The following HGSNAT variants were observed in gnomAD, a reference collection of about 807,000 sequenced individuals.
The protein encoded by HGSNAT is heparan-alpha-glucosaminide N-acetyltransferase.
In HGSNAT, 59 loss-of-function variants were observed where a neutral mutation model predicts 85.2. That is an observed-to-expected ratio of 0.69 (90% CI 0.56 to 0.86). HGSNAT has a LOEUF of 0.86. HGSNAT is among the 40% of genes least tolerant of loss of function. HGSNAT has a pLI of 0.00. For missense variants in HGSNAT, 756 were observed against 777.1 expected, an observed-to-expected ratio of 0.97 and a Z score of 0.32; for synonymous variants, 321 against 304.5, an observed-to-expected ratio of 1.05 and a Z score of -0.56.
rs1804837588 is a variant in HGSNAT at position 43,199,250 on chromosome 8, T to C, written c.1727-138T>C. ...ATATTTAAATACCTAAGATATGCAT[T>C]ACTTATTTTTGGCAGTAGCCAACAA... On this transcript the variant is annotated intron_variant, in intron 17 of 17. Coordinates refer to ENST00000379644, the MANE Select transcript of HGSNAT (RefSeq NM_152419.3). 1.8e-5 allele frequency: 11 copies of C among 606,640 alleles called. No homozygotes were observed. The South Asian group carries it at 2.5e-4, about 14-fold the overall frequency. 37.6% of individuals were successfully genotyped at this position (606,640 alleles called of 1,614,324 possible).
chr8:43,158,621 G>C lies in HGSNAT; in HGVS notation c.281G>C (p.Gly94Ala). ...AACGTTCCTCAGAGTCCAAAAGCAG[G>C]GAAGCCTAGTGCTGCAGCTGCCTCT... ...LVNVPQSPKA[G>A]KPSAAAASVS... is the part of the protein sequence containing the mutation. The change falls in exon 3 of 18, where the codon GGG becomes GCG. Residue 94 changes from glycine (G) to alanine (A), a missense_variant. Coordinates refer to ENST00000379644, the MANE Select transcript of HGSNAT (RefSeq NM_152419.3). 1 of 1,613,930 alleles carries C rather than the reference G, an allele frequency of 6.2e-7. No individual in the cohort carries two copies. Among genetic ancestry groups the C allele is most frequent in the Non-Finnish European group, 8.5e-7 (1 of 1,179,870 alleles).
Position 43,161,524 on chromosome 8 carries a change from G to A in HGSNAT, c.563+17G>A, listed in dbSNP as rs1383774375. 1 of 1,581,214 alleles carries A rather than the reference G, an allele frequency of 6.3e-7. No individual in the cohort carries two copies. The highest frequency in any genetic ancestry group is 8.6e-7 in the Non-Finnish European group (1 of 1,161,184). On this transcript the variant is annotated intron_variant, in intron 5 of 17. Transcript: ENST00000379644. ...CTTGTTGAGGTAAGATATTTGGGGAGGACGCCACTGGAAAGGCAGAGTATA... is the reference window on the plus strand; with the variant it reads ...CTTGTTGAGGTAAGATATTTGGGGAAGACGCCACTGGAAAGGCAGAGTATA...
At chr8:43,181,784 C>T (rs529834768) in intron 10 of HGSNAT, 10 of 232,122 alleles carry the variant, frequency 4.3e-5, no homozygotes, top group South Asian at 3.2e-4. Flanking sequence ...AGCAGACGTG[C>T]GGGTTGATTG....
intron 11 of HGSNAT, among the ~76,000 whole-genome samples, chr8:43,183,210 A>G (rs1197365852): frequency 6.6e-6 from 1 of 152,228 alleles, no homozygotes; most frequent in African/African-American, 2.4e-5. Flanking sequence ...TCTGTTACCC[A>G]GGCTGGAGTG....
At chr8:43,142,437 C>A (rs1429188944) in intron 1 of HGSNAT, among the ~76,000 whole-genome samples, 1 of 151,886 alleles carries the variant, frequency 6.6e-6, no homozygotes, top group Admixed American at 6.6e-5. Flanking sequence ...GTAATTGGGT[C>A]CTTTGGTCGT....
chr8:43,165,308 G>C (rs932792165), intron 5 of HGSNAT, among the ~76,000 whole-genome samples: 1 of 152,022 alleles, frequency 6.6e-6, no homozygotes, highest in African/African-American at 2.4e-5. Context: ...ATAAGATGGT[G>C]AACTTAATCA....
chr8:43,143,480 C>T (rs1168018564), intron 1 of HGSNAT, among the ~76,000 whole-genome samples: 1 of 152,008 alleles, frequency 6.6e-6, no homozygotes, highest in Non-Finnish European at 1.5e-5. Flanking sequence ...AGCTGCTTGA[C>T]CTCTTCAGGC....
intron 17 of HGSNAT, among the ~76,000 whole-genome samples, chr8:43,198,280 C>CTTTTTTTTTTT (rs59416007): frequency 1.1e-5 from 1 of 90,332 alleles, no homozygotes; most frequent in African/African-American, 4.5e-5. Context: ...GTTTCTGGTT[C>CTTTTTTTTTTT]TTTTTTTTTT....
chr8:43,199,423 G>A lies in HGSNAT; in HGVS notation c.1762G>A (p.Val588Met), dbSNP rs762123513. Residue 588 changes from valine to methionine, a missense_variant, in exon 18 of 18, where the codon GTG (valine) becomes ATG (methionine). Coordinates refer to ENST00000379644, the MANE Select transcript of HGSNAT (RefSeq NM_152419.3). The part of the protein sequence containing the change: ...NSILVYVGHE[V>M]FENYFPFQWK... ...CATTCTGGTATATGTCGGCCACGAGGTGTTTGAGAACTACTTCCCCTTTCA... is the reference window on the plus strand; with the variant it reads ...CATTCTGGTATATGTCGGCCACGAGATGTTTGAGAACTACTTCCCCTTTCA... 1 of 1,608,432 alleles carries A rather than the reference G, an allele frequency of 6.2e-7. No homozygotes were observed. Among genetic ancestry groups the A allele is most frequent in the Admixed American group, 1.7e-5 (1 of 59,242 alleles).
chr8:43,165,101 C>T (rs1248097709), intron 5 of HGSNAT, among the ~76,000 whole-genome samples: 1 of 143,078 alleles, frequency 7.0e-6, no homozygotes, highest in Non-Finnish European at 1.5e-5. Flanking sequence ...CTGTGTTGCC[C>T]AGGCTTGCAT....
intron 10 of HGSNAT, 55 bp from the exon 11 acceptor site, chr8:43,182,090 T>C: frequency 1.3e-5 from 17 of 1,306,962 alleles, no homozygotes; most frequent in Non-Finnish European, 1.8e-5. Flanking sequence ...AATGTTGTCC[T>C]GGGATGAGAG....
At chr8:43,146,779 A>G (rs1461801602) in intron 1 of HGSNAT, among the ~76,000 whole-genome samples, 169 bp from the exon 2 acceptor site, 1 of 151,516 alleles carries the variant, frequency 6.6e-6, no homozygotes, top group African/African-American at 2.5e-5. Flanking sequence ...ATGCACGCAC[A>G]TATATCTGCG....
At chr8:43,140,667 T>C in intron 1 of HGSNAT, 53 bp downstream of exon 1, 2 of 934,972 alleles carry the variant, frequency 2.1e-6, no homozygotes, top group Admixed American at 4.5e-5. Flanking sequence ...CAGCGTCTCC[T>C]CTCCGCGGCG....
At chr8:43,164,776 C>T (rs2130731039) in intron 5 of HGSNAT, among the ~76,000 whole-genome samples, 2 of 152,122 alleles carry the variant, frequency 1.3e-5, no homozygotes, top group South Asian at 4.2e-4. Flanking sequence ...AGTGAGACTC[C>T]ATCTCAAAAA....
At position 43,199,497 on chromosome 8, in the gene HGSNAT, C is replaced by T. The variant is rs367648422; in HGVS notation, c.1836C>T (p.Asn612=). The change falls in exon 18 of 18, where the codon AAC becomes AAT. Residue 612 remains asparagine (N), a synonymous_variant. Transcript: ENST00000379644. ...NQSHKEHLTQ[N]IVATALWVLI... ...CCCACAAGGAGCACCTGACTCAGAA[C>T]ATCGTCGCCACTGCCCTCTGGGTGC... The T allele has an allele frequency of 1.9e-5, 31 of 1,611,880 alleles. No homozygotes were observed. The highest frequency in any genetic ancestry group is 2.6e-5 in the Non-Finnish European group (31 of 1,179,016).
intron 2 of HGSNAT, among the ~76,000 whole-genome samples, chr8:43,148,473 G>A (rs1384076590): frequency 6.6e-6 from 1 of 151,854 alleles, no homozygotes; most frequent in Non-Finnish European, 1.5e-5. Flanking sequence ...ATACAACAGT[G>A]ATGCTGTGGA....
At chr8:43,149,189 C>T (rs183955001) in intron 2 of HGSNAT, among the ~76,000 whole-genome samples, 193 of 151,476 alleles carry the variant, frequency 1.3e-3, no homozygotes, top group African/African-American at 4.4e-3. Flanking sequence ...AAAAAATTGC[C>T]GATTTATTTA....
At chr8:43,182,419 T>G (rs549596185) in intron 11 of HGSNAT, 159 bp downstream of exon 11, 1 of 705,698 alleles carries the variant, frequency 1.4e-6, no homozygotes, top group South Asian at 1.5e-5. Flanking sequence ...ATTACAGGTG[T>G]GAGCCACCAT....
rs1470102956 is a variant in HGSNAT, at chr8:43,197,662, C to T, written c.1543-10C>T. The T allele has an allele frequency of 6.2e-6, 10 of 1,601,858 alleles. No individual in the cohort carries two copies. Among genetic ancestry groups the T allele is most frequent in the Non-Finnish European group, 8.6e-6 (10 of 1,169,104 alleles). ...ATAAAATGTTAACATCCTTCTCTTC[C>T]CCATTACAGGGGCTCATTTCTGTTG... On this transcript the variant is annotated splice_polypyrimidine_tract_variant and intron_variant, in intron 15 of 17. Coordinates refer to ENST00000379644, the MANE Select transcript of HGSNAT (RefSeq NM_152419.3).
Sources: gnomAD v4.1 joint callset for allele counts (sites outside exome capture counted in the v4.1 genomes callset) on GRCh38, gnomAD v4.1.1 for gene constraint, MANE v1.5 for transcripts, NCBI Gene and HGNC (gene_info 2026-07-23, HGNC 2026-07-21) for gene names.